The following ATP13A3 variants were observed in gnomAD, a reference collection of about 807,000 sequenced individuals.
ATP13A3 encodes ATPase 13A3.
In ATP13A3, 59 loss-of-function variants were observed where a neutral mutation model predicts 158.1. The ratio of observed to expected loss-of-function variants is 0.37; its 90% CI spans 0.30 to 0.46. ATP13A3 has a LOEUF of 0.46. Among genes scored for constraint, ATP13A3 ranks in the 20% least tolerant of loss-of-function variants. The pLI is 1.00. For synonymous variants in ATP13A3, 491 were observed against 504.3 expected, an observed-to-expected ratio of 0.97 and a Z score of 0.35; for missense variants, 1,166 against 1,525.2, an observed-to-expected ratio of 0.76 and a Z score of 3.92.
chr3:194,446,230 T>C (rs970921169), intron 14 of ATP13A3, among the ~76,000 whole-genome samples: 11 of 152,176 alleles, frequency 7.2e-5, no homozygotes, highest in African/African-American at 2.7e-4. Context: ...TATAACACGA[T>C]GGGTGCCAGT....
chr3:194,476,855 C>T (rs1224342487), intron 2 of ATP13A3, among the ~76,000 whole-genome samples: 3 of 149,620 alleles, frequency 2.0e-5, no homozygotes, highest in African/African-American at 7.4e-5. Flanking sequence ...AGTCTTACAA[C>T]GCACAACATG....
chr3:194,455,586 C>T (rs1032038280), intron 8 of ATP13A3, among the ~76,000 whole-genome samples: 4 of 152,170 alleles, frequency 2.6e-5, no homozygotes, highest in African/African-American at 9.7e-5. Flanking sequence ...CTTACTTCTA[C>T]TCCTAAAAGT....
Position 194,459,874 on chromosome 3 carries a change from T to C in ATP13A3, c.323A>G (p.Asn108Ser), listed in dbSNP as rs1719514520. 2.5e-6 allele frequency: 4 copies of C among 1,613,434 alleles called. No homozygotes were observed. In the Admixed American group the frequency reaches 5.0e-5, roughly 20 times the overall value. The change falls in exon 5 of 34, where the codon AAT becomes AGT. Residue 108 changes from asparagine to serine, a missense_variant. Physicochemically the swap from Asn to Ser is conservative, Grantham distance 46 (BLOSUM62 1). Coordinates refer to ENST00000645319, the MANE Select transcript of ATP13A3 (RefSeq NM_001367549.1). ...CTCAATTAAACAAACTGCATGGCCA[T>C]TTGAAAGCTTATTAGACATAGATTT... ...SPKSMSNKLSNGHAVCLIENP... is the reference protein window; with the variant it reads ...SPKSMSNKLSSGHAVCLIENP...
At chr3:194,422,586 A>C (rs1055023537) in intron 30 of ATP13A3, among the ~76,000 whole-genome samples, 1 of 152,170 alleles carries the variant, frequency 6.6e-6, no homozygotes, top group African/African-American at 2.4e-5. Flanking sequence ...AGTATATAGC[A>C]ACATGTAAAT....
intron 33 of ATP13A3, among the ~76,000 whole-genome samples, chr3:194,410,331 A>AAAAAAAATC (rs869283016): frequency 7.5e-6 from 1 of 132,942 alleles, no homozygotes; most frequent in Non-Finnish European, 1.6e-5. Flanking sequence ...AAAAAAAAAA[A>AAAAAAAATC]CTGCTGGGCC....
At chr3:194,406,694 A>C (rs1268441282) in intron 33 of ATP13A3, among the ~76,000 whole-genome samples, 1 of 152,218 alleles carries the variant, frequency 6.6e-6, no homozygotes, top group Non-Finnish European at 1.5e-5. Flanking sequence ...CTGGCAACTT[A>C]GCCGCATGAT....
intron 2 of ATP13A3, among the ~76,000 whole-genome samples, chr3:194,465,137 T>C (rs183467398): frequency 6.6e-6 from 1 of 152,060 alleles, no homozygotes; most frequent in Admixed American, 6.6e-5. Context: ...AAACTGATAA[T>C]TGAGAGATTA....
intron 28 of ATP13A3, among the ~76,000 whole-genome samples, chr3:194,428,520 A>G (rs1228937261): frequency 6.6e-6 from 1 of 152,200 alleles, no homozygotes; most frequent in African/African-American, 2.4e-5. Context: ...TATTATATCA[A>G]TGTTAAATTT....
chr3:194,415,391 CAT>C (rs1715759065), intron 31 of ATP13A3, among the ~76,000 whole-genome samples: 1 of 152,168 alleles, frequency 6.6e-6, no homozygotes, highest in Non-Finnish European at 1.5e-5. Context: ...AAACAGAAGA[CAT>C]GTGCACCAGG....
intron 29 of ATP13A3, 97 bp downstream of exon 29, chr3:194,426,978 C>A: frequency 7.3e-7 from 1 of 1,366,044 alleles, no homozygotes; most frequent in Non-Finnish European, 1.0e-6. Context: ...AGCCACCGCA[C>A]CTGGCACAAA....
chr3:194,407,567 A>C (rs1338741617), intron 33 of ATP13A3, among the ~76,000 whole-genome samples: 1 of 152,184 alleles, frequency 6.6e-6, no homozygotes, highest in African/African-American at 2.4e-5. Flanking sequence ...AGCACGGTAA[A>C]CGTGACTCAC....
At chr3:194,462,103 C>A in intron 3 of ATP13A3, 37 bp downstream of exon 3, 2 of 1,597,664 alleles carry the variant, frequency 1.3e-6, no homozygotes, top group South Asian at 1.1e-5. Flanking sequence ...GAGATAAAGT[C>A]TTCACACATC....
upstream of ATP13A3, chr3:194,487,388 C>A (rs1275389989): frequency 6.6e-6 from 1 of 152,336 alleles, no homozygotes; most frequent in Non-Finnish European, 1.5e-5. Flanking sequence ...ATGGAGGAAG[C>A]TTGTGCTAGA....
At chr3:194,424,830 A>G (rs1314420673) in intron 30 of ATP13A3, among the ~76,000 whole-genome samples, 1 of 152,210 alleles carries the variant, frequency 6.6e-6, no homozygotes, top group African/African-American at 2.4e-5. Context: ...AAGATACTAG[A>G]AATGAAGAAT....
At position 194,438,986 on chromosome 3, in the gene ATP13A3, AG is replaced by A; in HGVS notation, c.1711-15del. 6.6e-7 allele frequency: 1 copy of A among 1,516,670 alleles called. No homozygotes were observed. The highest frequency in any genetic ancestry group is 2.0e-5 in the Admixed American group (1 of 49,858). The allele number at this position is 1,516,670 out of a possible 1,614,324, so 94.0% of individuals were successfully genotyped here. ...TTCTTCCAGAATCTGGAAAAAAAAA[AG>A]AGACAAAAAAAAACAAAAACACAAC... On this transcript the variant is annotated splice_polypyrimidine_tract_variant and intron_variant, in intron 16 of 33. Coordinates refer to ENST00000645319, the MANE Select transcript of ATP13A3 (RefSeq NM_001367549.1).
Position 194,462,113 on chromosome 3 carries a change from C to T in ATP13A3, c.51+27G>A, listed in dbSNP as rs370769100. 3.0e-5 allele frequency: 49 copies of T among 1,607,310 alleles called. No homozygotes were observed. In the African/African-American group the frequency reaches 4.9e-4, roughly 16 times the overall value. On this transcript the variant is annotated intron_variant, in intron 3 of 33. Transcript: ENST00000645319. ...TTGCAGAGATAAAGTCTTCACACAT[C>T]ACCAGTAAATTAGAACAGCTGGTTA...
At chr3:194,462,277 T>C (rs748652956) in intron 2 of ATP13A3, 41 bp from the exon 3 acceptor site, 1 of 1,307,686 alleles carries the variant, frequency 7.6e-7, no homozygotes, top group Non-Finnish European at 1.1e-6. Context: ...AACTATCTTC[T>C]ATCTTAGTAG....
At chr3:194,409,579 T>C (rs150568163) in intron 33 of ATP13A3, among the ~76,000 whole-genome samples, 3 of 152,056 alleles carry the variant, frequency 2.0e-5, no homozygotes, top group African/African-American at 4.8e-5. Flanking sequence ...GGTTGCTTTA[T>C]AGAAAACCAC....
At chr3:194,415,793 A>G (rs1425307644) in intron 31 of ATP13A3, among the ~76,000 whole-genome samples, 1 of 150,246 alleles carries the variant, frequency 6.7e-6, no homozygotes, top group Non-Finnish European at 1.5e-5. Flanking sequence ...ACAATACCAC[A>G]TTGTTTCTAA....
Sources: gnomAD v4.1 joint callset for allele counts (sites outside exome capture counted in the v4.1 genomes callset) on GRCh38, gnomAD v4.1.1 for gene constraint, MANE v1.5 for transcripts, NCBI Gene and HGNC (gene_info 2026-07-23, HGNC 2026-07-21) for gene names.